NTN4: variants seen among roughly 807,000 people sequenced by gnomAD.
The protein encoded by NTN4 is netrin 4.
Under a neutral mutation model 73.6 loss-of-function variants are expected in NTN4, and 32 were observed. The observed-to-expected ratio is 0.44, with a 90% CI of 0.33 to 0.58. NTN4 has a LOEUF of 0.58. Ranked by LOEUF, NTN4 falls within the 20% of genes least tolerant of loss-of-function variation. NTN4 has a pLI of 0.04. For missense variants in NTN4, 654 were observed against 798.3 expected (o/e 0.82, Z 2.18); for synonymous variants, 258 against 287.5 (o/e 0.90, Z 1.04).
chr12:95,739,370 TAAACTC>T (rs1216128286), intron 2 of NTN4, among the ~76,000 whole-genome samples: 2 of 152,218 alleles, frequency 1.3e-5, no homozygotes, highest in Non-Finnish European at 2.9e-5. Context: ...CATTGTATCT[TAAACTC>T]AAACCACATT....
chr12:95,692,185 G>A (rs1361066877), intron 5 of NTN4, among the ~76,000 whole-genome samples: 7 of 152,128 alleles, frequency 4.6e-5, no homozygotes, highest in African/African-American at 9.6e-5. Context: ...ACAGGCACCC[G>A]CCACCACGCC....
intron 3 of NTN4, among the ~76,000 whole-genome samples, chr12:95,735,903 ATTTTTATTTATT>A (rs1241522058): frequency 1.5e-3 from 219 of 141,458 alleles, no homozygotes; most frequent in Non-Finnish European, 2.0e-3. Context: ...TTTTTTTTAA[ATTTTTATTTATT>A]TATTTATTTA....
intron 7 of NTN4, among the ~76,000 whole-genome samples, chr12:95,676,122 G>C (rs2078271593): frequency 6.6e-6 from 1 of 151,464 alleles, no homozygotes; most frequent in South Asian, 2.1e-4. Flanking sequence ...TTTTGTTTTT[G>C]AGATGGAGTC....
chr12:95,683,119 G>T (rs947266878), intron 6 of NTN4, among the ~76,000 whole-genome samples: 2 of 152,158 alleles, frequency 1.3e-5, no homozygotes, highest in Non-Finnish European at 2.9e-5. Flanking sequence ...GAGTGCAATG[G>T]TGCAATCTTG....
Position 95,737,971 on chromosome 12 carries a change from G to A in NTN4, c.759C>T (p.Ile253=). Residue 253 remains isoleucine, a synonymous_variant, in exon 3 of 10, where the codon ATC becomes ATT. Transcript: ENST00000343702. ...AGCTGCCCTTGACAATGAAATCATA[G>A]ATTGCATAGTGTGTAAAATGTTGAG... The part of the protein sequence containing the change: ...EEPQHFTHYA[I]YDFIVKGSCF... The A allele has an allele frequency of 6.2e-7, 1 of 1,614,080 alleles. No homozygotes were observed.
intron 5 of NTN4, among the ~76,000 whole-genome samples, chr12:95,687,358 A>G (rs2078368730): frequency 6.6e-6 from 1 of 151,840 alleles, no homozygotes; most frequent in South Asian, 2.1e-4. Flanking sequence ...GAGACATTCC[A>G]TGTAAAAATA....
intron 5 of NTN4, among the ~76,000 whole-genome samples, chr12:95,703,009 CACCATGCCTGGCTA>C (rs2078497715): frequency 6.6e-6 from 1 of 152,008 alleles, no homozygotes; most frequent in Non-Finnish European, 1.5e-5. Flanking sequence ...ATGTGCCTGC[CACCATGCCTGGCTA>C]ATTTTGTATT....
chr12:95,718,039 G>A (rs1402536262), intron 3 of NTN4, among the ~76,000 whole-genome samples: 1 of 152,090 alleles, frequency 6.6e-6, no homozygotes, highest in African/African-American at 2.4e-5. Flanking sequence ...TTACAGGAAG[G>A]GACTCATACA....
intron 3 of NTN4, among the ~76,000 whole-genome samples, chr12:95,720,061 C>G (rs2121113261): frequency 6.6e-6 from 1 of 152,274 alleles, no homozygotes; most frequent in South Asian, 2.1e-4. Flanking sequence ...CTTCATTTCC[C>G]CCAGCTAAGC....
At chr12:95,676,246 G>C (rs906695952) in intron 7 of NTN4, among the ~76,000 whole-genome samples, 1 of 151,982 alleles carries the variant, frequency 6.6e-6, no homozygotes, top group Non-Finnish European at 1.5e-5. Flanking sequence ...TGGGATCACA[G>C]GTACGCGCCA....
intron 5 of NTN4, among the ~76,000 whole-genome samples, chr12:95,693,412 T>C (rs1427340572): frequency 6.6e-6 from 1 of 152,078 alleles, no homozygotes; most frequent in Non-Finnish European, 1.5e-5. Flanking sequence ...TCTCCTGTTA[T>C]ATGTTCCTTT....
chr12:95,699,103 C>G (rs2078463869), intron 5 of NTN4, among the ~76,000 whole-genome samples: 1 of 150,790 alleles, frequency 6.6e-6, no homozygotes, highest in South Asian at 2.1e-4. Context: ...GTGTGGTTTC[C>G]ACAAACAGTT....
Position 95,658,976 on chromosome 12 carries a change from T to C in NTN4, c.*110A>G. On this transcript the variant is annotated 3_prime_UTR_variant, in exon 10 of 10. Transcript: ENST00000343702. ...TAAGACCCATGCATTCAAACATTTC[T>C]ATATGTTTTGGCACTTTAAAAAATT... is the stretch of plus-strand genomic sequence containing the variant. 1 of 939,458 alleles carries C rather than the reference T, an allele frequency of 1.1e-6. No individual in the cohort carries two copies. Among genetic ancestry groups the C allele is most frequent in the Non-Finnish European group, 1.6e-6 (1 of 627,238 alleles). The allele number at this position is 939,458 out of a possible 1,614,324, so 58.2% of individuals were successfully genotyped here.
At chr12:95,735,263 G>T (rs561288708) in intron 3 of NTN4, among the ~76,000 whole-genome samples, 2 of 152,042 alleles carry the variant, frequency 1.3e-5, no homozygotes, top group Non-Finnish European at 2.9e-5. Context: ...TTTCTAAAGA[G>T]AATAGGGATA....
intron 2 of NTN4, among the ~76,000 whole-genome samples, chr12:95,780,608 C>G (rs2079125370): frequency 6.6e-6 from 1 of 152,132 alleles, no homozygotes; most frequent in Admixed American, 6.5e-5. Flanking sequence ...GAGATACCAT[C>G]TCACACCAGT....
At chr12:95,683,891 TATAATC>T in intron 5 of NTN4, among the ~76,000 whole-genome samples, 180 bp from the exon 6 acceptor site, 1 of 152,318 alleles carries the variant, frequency 6.6e-6, no homozygotes, top group South Asian at 2.1e-4. Context: ...ATAAGCGAGA[TATAATC>T]AGAAAAGCAT....
rs542629361 is a variant in NTN4, at chr12:95,780,348, T to C, written c.585+6591A>G. ...TTCTGCACAGCAAAAGAAACTACCA[T>C]CAGAGTGAACAGGCAATCTACAGAA... is the stretch of plus-strand genomic sequence containing the variant. On this transcript the variant is annotated intron_variant, in intron 2 of 9. Coordinates refer to ENST00000343702, the MANE Select transcript of NTN4 (RefSeq NM_021229.4). 1.8e-3 allele frequency among the ~76,000 whole-genome samples: 268 copies of C among 152,198 alleles called. 2 individuals carry two copies. The highest frequency in any genetic ancestry group is 3.4e-3 in the Non-Finnish European group (228 of 68,022).
At chr12:95,709,826 C>A (rs2078550715) in intron 5 of NTN4, among the ~76,000 whole-genome samples, 1 of 152,164 alleles carries the variant, frequency 6.6e-6, no homozygotes, top group African/African-American at 2.4e-5. Context: ...AGGCACCATG[C>A]CTGGCCTCCA....
intron 3 of NTN4, 78 bp downstream of exon 3, chr12:95,737,788 A>T: frequency 7.1e-7 from 1 of 1,413,900 alleles, no homozygotes; most frequent in Non-Finnish European, 9.7e-7. Context: ...GCACTATGTT[A>T]AGCATATACC....
Sources: allele counts gnomAD v4.1 joint callset (sites outside exome capture counted in the v4.1 genomes callset), GRCh38; gene constraint gnomAD v4.1.1; transcripts MANE v1.5; gene names NCBI Gene and HGNC (gene_info 2026-07-23, HGNC 2026-07-21).